ATP6V1H: variants seen among roughly 807,000 people sequenced by gnomAD.
ATP6V1H encodes the protein ATPase H+ transporting V1 subunit H.
In ATP6V1H, 39 loss-of-function variants were observed where a neutral mutation model predicts 71.7. The observed-to-expected ratio is 0.54, with a 90% CI of 0.42 to 0.71. The LOEUF is 0.71. Among genes scored for constraint, ATP6V1H ranks in the 30% least tolerant of loss-of-function variants. The pLI is 0.00. For synonymous variants in ATP6V1H, 192 were observed against 199.3 expected (o/e 0.96, Z 0.31); for missense variants, 509 against 594.9 (o/e 0.86, Z 1.50).
chr8:53,807,212 G>A (rs749219826), intron 7 of ATP6V1H, among the ~76,000 whole-genome samples: 46 of 152,000 alleles, frequency 3.0e-4, no homozygotes, highest in African/African-American at 1.1e-3. Context: ...CATCAGCACA[G>A]CATTAAATTA....
intron 13 of ATP6V1H, among the ~76,000 whole-genome samples, chr8:53,730,019 T>G (rs1455439784): frequency 6.6e-6 from 1 of 152,186 alleles, no homozygotes; most frequent in African/African-American, 2.4e-5. Flanking sequence ...ATGACACAGC[T>G]CAGCCTATGC....
Position 53,735,069 on chromosome 8 carries a change from C to T in ATP6V1H, c.1391+8508G>A, listed in dbSNP as rs531096804. Among the ~76,000 whole-genome samples the T allele has an allele frequency of 2.6e-5, 4 of 152,296 alleles. No homozygotes were observed. In the East Asian group the frequency reaches 7.7e-4, roughly 29 times the overall value. On this transcript the variant is annotated intron_variant, in intron 13 of 13. Transcript: ENST00000359530. ...AAACAGTGGCACAGCAATGTATTAC[C>T]TGCCAGCAGCACAATGCGAGGCAAG...
At chr8:53,820,185 T>C (rs1481052030) in intron 4 of ATP6V1H, among the ~76,000 whole-genome samples, 3 of 151,568 alleles carry the variant, frequency 2.0e-5, no homozygotes, top group Non-Finnish European at 4.4e-5. Flanking sequence ...AAATAAACTC[T>C]AACTATGAAG....
intron 12 of ATP6V1H, among the ~76,000 whole-genome samples, chr8:53,753,597 T>A (rs1250414289): frequency 6.6e-6 from 1 of 152,240 alleles, no homozygotes; most frequent in African/African-American, 2.4e-5. Flanking sequence ...TTCAGCGTTT[T>A]AAAACTATCA....
At chr8:53,834,512 G>A (rs968827731) in intron 2 of ATP6V1H, among the ~76,000 whole-genome samples, 14 of 152,152 alleles carry the variant, frequency 9.2e-5, no homozygotes, top group Admixed American at 7.9e-4. Flanking sequence ...TGCAACCTCT[G>A]CCTCCTGGGT....
At chr8:53,830,180 T>C (rs965520916) in intron 3 of ATP6V1H, among the ~76,000 whole-genome samples, 1 of 152,174 alleles carries the variant, frequency 6.6e-6, no homozygotes, top group African/African-American at 2.4e-5. Context: ...AAACACTCTA[T>C]AAAATCCCTT....
intron 13 of ATP6V1H, among the ~76,000 whole-genome samples, chr8:53,717,588 A>G (rs1027549297): frequency 5.5e-4 from 83 of 152,226 alleles, no homozygotes; most frequent in Non-Finnish European, 8.2e-4. Flanking sequence ...CCAGAAGTTA[A>G]GTTCACGCAA....
At chr8:53,818,072 A>G (rs770162222) in intron 4 of ATP6V1H, among the ~76,000 whole-genome samples, 7 of 152,238 alleles carry the variant, frequency 4.6e-5, no homozygotes, top group Non-Finnish European at 1.0e-4. Flanking sequence ...ATAGGATCTG[A>G]GTAAGAGAAA....
Position 53,801,866 on chromosome 8 carries a change from A to T in ATP6V1H, c.610T>A (p.Cys204Ser). The T allele has an allele frequency of 6.2e-7, 1 of 1,613,962 alleles. No individual in the cohort carries two copies. Among genetic ancestry groups the T allele is most frequent in the Non-Finnish European group, 8.5e-7 (1 of 1,179,950 alleles). The change falls in exon 8 of 14, where the codon TGT (cysteine) becomes AGT (serine). Residue 204 changes from cysteine to serine, a missense_variant. Transcript: ENST00000359530. Reference protein sequence around the residue: ...SSQYVQCVAGCLQLMLRVNEY... With the variant: ...SSQYVQCVAGSLQLMLRVNEY... Reference sequence around the variant, plus strand: ...TTGACCCGGAGCATCAGCTGCAAACACCCGGCCACGCACTGCACATACTGC... The same window carrying T: ...TTGACCCGGAGCATCAGCTGCAAACTCCCGGCCACGCACTGCACATACTGC...
chr8:53,802,957 AG>A (rs1255857998), intron 7 of ATP6V1H, among the ~76,000 whole-genome samples: 1 of 152,228 alleles, frequency 6.6e-6, no homozygotes, highest in Non-Finnish European at 1.5e-5. Flanking sequence ...GAAAGTTGCA[AG>A]CCCCTTCATT....
intron 13 of ATP6V1H, among the ~76,000 whole-genome samples, chr8:53,734,256 T>C (rs1420036339): frequency 6.6e-6 from 1 of 152,210 alleles, no homozygotes; most frequent in East Asian, 1.9e-4. Context: ...CTGTCGAGCA[T>C]AACTGTGTAG....
intron 13 of ATP6V1H, among the ~76,000 whole-genome samples, chr8:53,734,127 T>C (rs1173025437): frequency 1.3e-5 from 2 of 152,204 alleles, no homozygotes; most frequent in South Asian, 2.1e-4. Context: ...AAGGACATCA[T>C]TGGCTAACGA....
At chr8:53,814,522 T>G in intron 6 of ATP6V1H, 140 bp downstream of exon 6, 1 of 535,352 alleles carries the variant, frequency 1.9e-6, no homozygotes, top group East Asian at 3.2e-5. Flanking sequence ...TATCTGAGAG[T>G]AGTTTGGTTT....
intron 13 of ATP6V1H, among the ~76,000 whole-genome samples, chr8:53,723,837 A>G (rs1033916755): frequency 2.0e-5 from 3 of 152,244 alleles, no homozygotes; most frequent in Non-Finnish European, 4.4e-5. Context: ...GGGATGAACC[A>G]TCTAGCTCTA....
At position 53,811,292 on chromosome 8, in the gene ATP6V1H, C is replaced by T. The variant is rs377548955; in HGVS notation, c.526-75G>A. On this transcript the variant is annotated intron_variant, in intron 6 of 13. Coordinates refer to ENST00000359530, the MANE Select transcript of ATP6V1H (RefSeq NM_015941.4). ...TAATGTATCAGCTTACAAAAGGGAGCTAAGCAAACTTTTCCCCTAATTCTA... is the reference window on the plus strand; with the variant it reads ...TAATGTATCAGCTTACAAAAGGGAGTTAAGCAAACTTTTCCCCTAATTCTA... 12 of 1,271,098 alleles carry T rather than the reference C, an allele frequency of 9.4e-6. No individual in the cohort carries two copies. The African/African-American group carries it at 1.3e-4, about 14-fold the overall frequency. 78.7% of individuals were successfully genotyped at this position (1,271,098 alleles called of 1,614,324 possible). A position where few individuals can be genotyped will look rare whatever the true frequency, so the allele number is the denominator to read the frequency against.
At chr8:53,785,713 T>A (rs1194751821) in intron 9 of ATP6V1H, among the ~76,000 whole-genome samples, 1 of 152,196 alleles carries the variant, frequency 6.6e-6, no homozygotes, top group African/African-American at 2.4e-5. Flanking sequence ...CAGATGGGTT[T>A]TTGGAGTGGA....
chr8:53,834,332 C>T (rs1321440568), intron 2 of ATP6V1H, among the ~76,000 whole-genome samples: 2 of 152,200 alleles, frequency 1.3e-5, no homozygotes, highest in African/African-American at 2.4e-5. Context: ...AAAGCACTCG[C>T]TGTATATTAG....
chr8:53,801,805 A>T lies in ATP6V1H; in HGVS notation c.671T>A (p.Val224Glu). Residue 224 changes from valine (V) to glutamate (E), a missense_variant, in exon 8 of 14, where the codon GTA becomes GAA. This residue lies in a region of ATP6V1H where 297 missense variants were observed against 303.3 expected (regional missense o/e 0.98). Transcript: ENST00000359530. ...YRFAWVEADGVNCIMGVLSNK... is the reference protein window; with the variant it reads ...YRFAWVEADGENCIMGVLSNK... ...AAAAGGAAAGGGCACTCACCAATTT[A>T]CCCCATCTGCTTCCACCCAAGCAAA... is the stretch of plus-strand genomic sequence containing the variant. The T allele has an allele frequency of 6.2e-7, 1 of 1,613,644 alleles. No homozygotes were observed. The highest frequency in any genetic ancestry group is 8.5e-7 in the Non-Finnish European group (1 of 1,179,750).
At chr8:53,834,739 A>G (rs1246552682) in intron 2 of ATP6V1H, among the ~76,000 whole-genome samples, 2 of 151,900 alleles carry the variant, frequency 1.3e-5, no homozygotes, top group Non-Finnish European at 2.9e-5. Context: ...ATAGTTTTTA[A>G]CTCAGTAGTT....
Sources: gnomAD v4.1 joint callset for allele counts (sites outside exome capture counted in the v4.1 genomes callset) on GRCh38, gnomAD v4.1.1 for gene constraint, gnomAD v4.1.1 regional missense constraint, MANE v1.5 for transcripts, NCBI Gene and HGNC (gene_info 2026-07-23, HGNC 2026-07-21) for gene names.